ARL15: variants seen among roughly 807,000 people sequenced by gnomAD.
ARL15 encodes the protein ARF like GTPase 15.
In ARL15, 19 loss-of-function variants were observed where a neutral mutation model predicts 25.2. The observed-to-expected ratio is 0.75, with a 90% CI of 0.53 to 1.10. The LOEUF is 1.10. ARL15 is among the 50% of genes least tolerant of loss of function. ARL15 has a pLI of 0.00. For synonymous variants in ARL15, 94 were observed against 86.8 expected, an observed-to-expected ratio of 1.08 and a Z score of -0.46; for missense variants, 220 against 246.0, an observed-to-expected ratio of 0.89 and a Z score of 0.71.
At chr5:54,043,465 T>C (rs1033313430) in intron 4 of ARL15, among the ~76,000 whole-genome samples, 48 of 152,160 alleles carry the variant, frequency 3.2e-4, no homozygotes. Flanking sequence ...GGTAATACTG[T>C]CCTTATATTT....
chr5:53,991,277 C>T (rs1216289291), intron 4 of ARL15, among the ~76,000 whole-genome samples: 1 of 152,028 alleles, frequency 6.6e-6, no homozygotes, highest in Non-Finnish European at 1.5e-5. Flanking sequence ...TACGGTGGCT[C>T]ACGCCTGTAA....
chr5:54,106,690 C>T (rs538692474), intron 4 of ARL15, among the ~76,000 whole-genome samples: 1 of 151,616 alleles, frequency 6.6e-6, no homozygotes, highest in Non-Finnish European at 1.5e-5. Flanking sequence ...GGTGTTTTTC[C>T]CTGAATATTT....
chr5:54,177,334 T>C (rs1032565184), intron 1 of ARL15, among the ~76,000 whole-genome samples: 1 of 152,212 alleles, frequency 6.6e-6, no homozygotes, highest in South Asian at 2.1e-4. Flanking sequence ...ACAAATCATG[T>C]AATCATATAA....
At chr5:53,935,275 T>C (rs1242715904) in intron 4 of ARL15, among the ~76,000 whole-genome samples, 1 of 152,250 alleles carries the variant, frequency 6.6e-6, no homozygotes, top group Non-Finnish European at 1.5e-5. Flanking sequence ...GCTCTTTCTT[T>C]ACACCCACCC....
chr5:54,043,217 A>C (rs980451408), intron 4 of ARL15, among the ~76,000 whole-genome samples: 1 of 147,196 alleles, frequency 6.8e-6, no homozygotes, highest in East Asian at 2.0e-4. Flanking sequence ...TTTTTTTTTT[A>C]GTACTTTATA....
chr5:54,293,608 T>C (rs1758392118), intron 1 of ARL15, among the ~76,000 whole-genome samples: 1 of 152,210 alleles, frequency 6.6e-6, no homozygotes, highest in Non-Finnish European at 1.5e-5. Flanking sequence ...TTGCATCTAT[T>C]CCAACCTCTC....
intron 1 of ARL15, among the ~76,000 whole-genome samples, chr5:54,296,934 G>C (rs1478210727): frequency 6.6e-6 from 1 of 152,208 alleles, no homozygotes; most frequent in African/African-American, 2.4e-5. Context: ...GGAGAGGGCA[G>C]GTACTAGTGT....
intron 4 of ARL15, among the ~76,000 whole-genome samples, chr5:53,975,591 C>G (rs1006716083): frequency 4.9e-4 from 74 of 152,200 alleles, no homozygotes; most frequent in African/African-American, 1.8e-3. Context: ...TACTTGCTGG[C>G]TTTATTTGAC....
chr5:54,236,759 T>C (rs1277644403), intron 1 of ARL15, among the ~76,000 whole-genome samples: 5 of 152,230 alleles, frequency 3.3e-5, no homozygotes, highest in Non-Finnish European at 5.9e-5. Context: ...ATTAAAACTC[T>C]TTAATCTTTT....
chr5:54,221,006 C>G (rs995970162), intron 1 of ARL15, among the ~76,000 whole-genome samples: 4 of 151,976 alleles, frequency 2.6e-5, no homozygotes, highest in African/African-American at 9.7e-5. Context: ...CCAAAAAAAT[C>G]TGACATTTTC....
chr5:54,292,506 A>G (rs1368917688), intron 1 of ARL15, among the ~76,000 whole-genome samples: 2 of 152,114 alleles, frequency 1.3e-5, no homozygotes, highest in Non-Finnish European at 2.9e-5. Flanking sequence ...CAACCCATGA[A>G]CCAGGTGAGC....
intron 4 of ARL15, among the ~76,000 whole-genome samples, chr5:53,906,157 C>T (rs1745245409): frequency 6.6e-6 from 1 of 152,150 alleles, no homozygotes; most frequent in Non-Finnish European, 1.5e-5. Flanking sequence ...ATGCTGAAAT[C>T]TCCTGCAGCT....
At chr5:53,974,844 C>T (rs989943342) in intron 4 of ARL15, among the ~76,000 whole-genome samples, 2 of 152,220 alleles carry the variant, frequency 1.3e-5, no homozygotes, top group African/African-American at 4.8e-5. Context: ...GTGATGTATC[C>T]AAGACCTAGG....
Position 54,302,089 on chromosome 5 carries a change from A to C in ARL15, c.48+8343T>G, listed in dbSNP as rs780601557. On this transcript the variant is annotated intron_variant, in intron 1 of 4. Transcript: ENST00000504924. ...GAGCAGACTCCCGCCTCAAACACAA[A>C]CCCACACAACTTTCCCAGTGGGAGC... is the stretch of plus-strand genomic sequence containing the variant. Among the ~76,000 whole-genome samples the C allele has an allele frequency of 2.0e-4, 30 of 152,110 alleles. 1 individual carries two copies. Among genetic ancestry groups the C allele is most frequent in the Admixed American group, 6.5e-5 (1 of 15,274 alleles).
At chr5:54,055,784 A>G (rs1011473669) in intron 4 of ARL15, among the ~76,000 whole-genome samples, 1 of 152,150 alleles carries the variant, frequency 6.6e-6, no homozygotes, top group African/African-American at 2.4e-5. Flanking sequence ...TTCAATGCCC[A>G]GATCAGAGAT....
At chr5:54,046,937 T>C (rs1280579697) in intron 4 of ARL15, among the ~76,000 whole-genome samples, 1 of 152,140 alleles carries the variant, frequency 6.6e-6, no homozygotes, top group African/African-American at 2.4e-5. Flanking sequence ...AGTCTCAACA[T>C]TCCCACTGAA....
chr5:53,913,777 A>G (rs1745539295), intron 4 of ARL15, among the ~76,000 whole-genome samples: 1 of 152,118 alleles, frequency 6.6e-6, no homozygotes, highest in Admixed American at 6.5e-5. Flanking sequence ...CTACTTCTCA[A>G]TCTCTAATCA....
Position 54,171,774 on chromosome 5 carries a change from C to G in ARL15, c.193+10G>C. The G allele has an allele frequency of 1.2e-6, 2 of 1,609,164 alleles. No individual in the cohort carries two copies. Among genetic ancestry groups the G allele is most frequent in the Non-Finnish European group, 1.7e-6 (2 of 1,177,738 alleles). ...AAGAAGAAGGGACAGAACCCCAGCA[C>G]AGTACCCACCTGTGGTCGACACGAC... On this transcript the variant is annotated intron_variant, in intron 2 of 4. Coordinates refer to ENST00000504924, the MANE Select transcript of ARL15 (RefSeq NM_019087.3).
chr5:54,062,652 A>G (rs1482600352), intron 4 of ARL15, among the ~76,000 whole-genome samples: 3 of 152,160 alleles, frequency 2.0e-5, no homozygotes, highest in Non-Finnish European at 4.4e-5. Flanking sequence ...GTGGAACTGT[A>G]AGTCTAATTA....
Sources: gnomAD v4.1 joint callset for allele counts (sites outside exome capture counted in the v4.1 genomes callset) on GRCh38, gnomAD v4.1.1 for gene constraint, MANE v1.5 for transcripts, NCBI Gene and HGNC (gene_info 2026-07-23, HGNC 2026-07-21) for gene names.